Variants in CEP112 observed in about 807,000 individuals in gnomAD.
CEP112 encodes centrosomal protein 112.
A neutral mutation model predicts 153.0 loss-of-function variants in CEP112; 127 were observed. The observed-to-expected ratio is 0.83, with a 90% CI of 0.72 to 0.96. The LOEUF is 0.96. CEP112 is among the 40% of genes least tolerant of loss of function. The pLI, the probability that CEP112 is intolerant of heterozygous loss-of-function variation, is 0.00. For synonymous variants in CEP112, 358 were observed against 374.4 expected, an observed-to-expected ratio of 0.96 and a Z score of 0.51; for missense variants, 1,089 against 1,101.2, an observed-to-expected ratio of 0.99 and a Z score of 0.16.
intron 18 of CEP112, among the ~76,000 whole-genome samples, chr17:65,929,151 AT>A (rs1053358804): frequency 3.3e-5 from 5 of 152,188 alleles, no homozygotes; most frequent in African/African-American, 1.2e-4. Context: ...TCCTGAATAC[AT>A]TTTTTAAAAC....
At position 65,875,096 on chromosome 17, in the gene CEP112, T is replaced by C. The variant is rs142918584; in HGVS notation, c.2164-23062A>G. 9.2e-5 allele frequency among the ~76,000 whole-genome samples: 14 copies of C among 152,172 alleles called. No individual in the cohort carries two copies. The East Asian group carries it at 1.7e-3, about 19-fold the overall frequency. ...AAAAAATGTTTTACAGAAGGCAAGA[T>C]AGCTGTATTCCAAAACATCAGATAG... On this transcript the variant is annotated intron_variant, in intron 20 of 26. Coordinates refer to ENST00000535342, the MANE Select transcript of CEP112 (RefSeq NM_001199165.4).
intron 20 of CEP112, among the ~76,000 whole-genome samples, chr17:65,900,935 G>A (rs1046807079): frequency 3.7e-4 from 56 of 152,130 alleles, no homozygotes; most frequent in African/African-American, 1.1e-3. Context: ...TAATTGTACT[G>A]TAAATGTATA....
intron 17 of CEP112, among the ~76,000 whole-genome samples, chr17:65,986,892 C>T (rs1175997245): frequency 3.9e-5 from 6 of 152,078 alleles, no homozygotes; most frequent in African/African-American, 9.7e-5. Flanking sequence ...CCAAAATACA[C>T]AGTAGACTAA....
At chr17:66,172,950 G>A (rs1054246428) in intron 4 of CEP112, among the ~76,000 whole-genome samples, 1 of 151,944 alleles carries the variant, frequency 6.6e-6, no homozygotes, top group Non-Finnish European at 1.5e-5. Flanking sequence ...TCACAGATGA[G>A]GTCTCACCCT....
chr17:65,642,812 T>C (rs1200272472), intron 24 of CEP112, among the ~76,000 whole-genome samples: 2 of 152,242 alleles, frequency 1.3e-5, no homozygotes, highest in African/African-American at 2.4e-5. Context: ...ATGGGTTATA[T>C]ATTGACTATT....
At chr17:66,019,499 C>A (rs1421544994) in intron 16 of CEP112, among the ~76,000 whole-genome samples, 2 of 151,908 alleles carry the variant, frequency 1.3e-5, no homozygotes, top group Admixed American at 6.6e-5. Flanking sequence ...AAACAGATGT[C>A]AATGTAAAAG....
chr17:65,933,961 G>C (rs2061216305), intron 18 of CEP112, among the ~76,000 whole-genome samples: 1 of 152,126 alleles, frequency 6.6e-6, no homozygotes, highest in Non-Finnish European at 1.5e-5. Context: ...GGCTGAGGTG[G>C]GCAGACCACT....
chr17:65,681,509 C>G (rs1052180539), intron 24 of CEP112, among the ~76,000 whole-genome samples: 1 of 150,216 alleles, frequency 6.7e-6, no homozygotes, highest in African/African-American at 2.5e-5. Flanking sequence ...TTAAATGCCT[C>G]CAAATGAATG....
chr17:65,881,617 A>G (rs1349393969), intron 20 of CEP112, among the ~76,000 whole-genome samples: 1 of 152,230 alleles, frequency 6.6e-6, no homozygotes, highest in Non-Finnish European at 1.5e-5. Flanking sequence ...CCCACTGGAC[A>G]TGGATAAAAA....
chr17:65,730,444 C>T (rs1265557461), intron 23 of CEP112, among the ~76,000 whole-genome samples: 3 of 152,142 alleles, frequency 2.0e-5, no homozygotes, highest in Non-Finnish European at 4.4e-5. Flanking sequence ...GTCTTTCTTT[C>T]TGAGTGAGCA....
chr17:66,176,661 A>C (rs1225886088), intron 3 of CEP112, 169 bp downstream of exon 3: 2 of 465,792 alleles, frequency 4.3e-6, no homozygotes, highest in East Asian at 6.5e-5. Context: ...TAAGCAATAC[A>C]TGTATTTTAT....
In CEP112 at chr17:65,635,679, G is replaced by C. The variant is rs2044735672; in HGVS notation, c.*292C>G. 3 of 445,450 alleles carry C rather than the reference G, an allele frequency of 6.7e-6. No homozygotes were observed. The highest frequency in any genetic ancestry group is 1.2e-5 in the Non-Finnish European group (3 of 254,332). The allele number at this position is 445,450 out of a possible 1,614,324, so 27.6% of individuals were successfully genotyped here. On this transcript the variant is annotated 3_prime_UTR_variant, in exon 27 of 27. Transcript: ENST00000535342. ...AAATTCTATGCAAAAGGATTAACAAGGCATATCATAGGAAATCACTTTGCC... is the reference window on the plus strand; with the variant it reads ...AAATTCTATGCAAAAGGATTAACAACGCATATCATAGGAAATCACTTTGCC...
At chr17:66,061,532 C>T (rs2066919331) in intron 11 of CEP112, among the ~76,000 whole-genome samples, 2 of 150,786 alleles carry the variant, frequency 1.3e-5, no homozygotes, top group African/African-American at 4.9e-5. Flanking sequence ...ATGTAAGTGC[C>T]CATCAAAGGA....
intron 20 of CEP112, 117 bp downstream of exon 20, chr17:65,902,035 A>C: frequency 2.9e-6 from 1 of 349,924 alleles, no homozygotes; most frequent in Admixed American, 5.9e-5. Flanking sequence ...TCACATTTAT[A>C]TGTCAGTTTT....
chr17:65,971,232 C>T (rs907097662), intron 17 of CEP112, among the ~76,000 whole-genome samples: 2 of 152,070 alleles, frequency 1.3e-5, no homozygotes, highest in Admixed American at 6.5e-5. Context: ...ATATTACATA[C>T]GTGCAAAACA....
chr17:65,744,915 G>A (rs780151559), intron 22 of CEP112, among the ~76,000 whole-genome samples: 3 of 152,108 alleles, frequency 2.0e-5, no homozygotes, highest in Non-Finnish European at 2.9e-5. Context: ...TAATTCTTTT[G>A]GTCCTAAGCA....
At chr17:66,055,496 G>A (rs17705548) in intron 11 of CEP112, among the ~76,000 whole-genome samples, 62,491 of 151,964 alleles carry the variant, frequency 0.41, 14,321 homozygotes, top group East Asian at 0.87. Flanking sequence ...GCTGTCGAGT[G>A]ACATGATAGT....
intron 21 of CEP112, among the ~76,000 whole-genome samples, chr17:65,751,550 G>A (rs943927530): frequency 3.9e-5 from 6 of 152,072 alleles, no homozygotes; most frequent in African/African-American, 7.2e-5. Context: ...TTACTCTCAT[G>A]ATTTCTCTCG....
intron 22 of CEP112, among the ~76,000 whole-genome samples, chr17:65,745,579 A>C (rs2051397358): frequency 6.6e-6 from 1 of 152,182 alleles, no homozygotes; most frequent in Non-Finnish European, 1.5e-5. Context: ...AAAACAACTT[A>C]CTATTTCAAT....
Sources: allele counts gnomAD v4.1 joint callset (sites outside exome capture counted in the v4.1 genomes callset), GRCh38; gene constraint gnomAD v4.1.1; transcripts MANE v1.5; gene names NCBI Gene and HGNC (gene_info 2026-07-23, HGNC 2026-07-21).